UBA7: variants seen among roughly 807,000 people sequenced by gnomAD.
UBA7 encodes ubiquitin-like modifier-activating enzyme 7.
Under a neutral mutation model 113.0 loss-of-function variants are expected in UBA7, and 88 were observed. The ratio of observed to expected loss-of-function variants is 0.78; its 90% CI spans 0.66 to 0.93. The LOEUF (loss-of-function observed/expected upper bound fraction) is 0.93. UBA7 is among the 40% of genes least tolerant of loss of function. The pLI is 0.00. For missense variants in UBA7, 1,092 were observed against 1,266.4 expected (o/e 0.86, Z 2.09); for synonymous variants, 459 against 513.0 (o/e 0.89, Z 1.42).
Position 49,808,023 on chromosome 3 carries a change from G to C in UBA7, c.2520C>G (p.Ala840=). 1 of 1,614,164 alleles carries C rather than the reference G, an allele frequency of 6.2e-7. No homozygotes were observed. The highest frequency in any genetic ancestry group is 8.5e-7 in the Non-Finnish European group (1 of 1,179,998). Reference sequence around the variant, plus strand: ...AAGCCTCAAGGGGTGGGGTTACCTGGGCACGGTTGACCGGTGGAATCCCGT... The same window carrying C: ...AAGCCTCAAGGGGTGGGGTTACCTGCGCACGGTTGACCGGTGGAATCCCGT... ...QNYGIPPVNR[A]QSKRIVGQII... Residue 840 remains alanine (A), a synonymous_variant, in exon 20 of 24, where the codon GCC becomes GCG. Coordinates refer to ENST00000333486, the MANE Select transcript of UBA7 (RefSeq NM_003335.3).
chr3:49,813,695 G>A (rs904283889), intron 1 of UBA7, 37 bp downstream of exon 1: 11 of 1,614,222 alleles, frequency 6.8e-6, no homozygotes, highest in Non-Finnish European at 9.3e-6. Context: ...AAGGTCTGAA[G>A]ACCATCCCAC....
intron 4 of UBA7, 28 bp from the exon 5 acceptor site, chr3:49,812,766 G>T: frequency 6.2e-7 from 1 of 1,612,298 alleles, no homozygotes; most frequent in Non-Finnish European, 8.5e-7. Context: ...GGGTCACTGA[G>T]GTGGCTTACA....
chr3:49,813,435 C>T, intron 2 of UBA7, 44 bp downstream of exon 2: 1 of 1,608,418 alleles, frequency 6.2e-7, no homozygotes. Context: ...TTGGGCCGTG[C>T]CCCCACCTTG....
At chr3:49,808,220 C>A in intron 19 of UBA7, 108 bp from the exon 20 acceptor site, 1 of 1,524,874 alleles carries the variant, frequency 6.6e-7, no homozygotes, top group East Asian at 2.3e-5. Context: ...GGGGGTTGCC[C>A]CACATCTCCT....
In UBA7 at chr3:49,807,664, T is replaced by C. The variant is rs2081474845; in HGVS notation, c.2715+72A>G. On this transcript the variant is annotated intron_variant, in intron 21 of 23. Coordinates refer to ENST00000333486, the MANE Select transcript of UBA7 (RefSeq NM_003335.3). The surrounding 1 kb of genome is among the most constrained non-coding windows in gnomAD (Gnocchi z 4.0). The stretch of plus-strand genomic sequence containing the variant: ...TTTCAGTGAGAGCCGGCAGCTAGAT[T>C]GGGGCCTGTATGGGCAGGTGCAGGG... The C allele has an allele frequency of 2.0e-6, 3 of 1,505,126 alleles. No individual in the cohort carries two copies. The highest frequency in any genetic ancestry group is 2.7e-6 in the Non-Finnish European group (3 of 1,122,724). The allele number at this position is 1,505,126 out of a possible 1,614,324, so 93.2% of individuals were successfully genotyped here. A position where few individuals can be genotyped will look rare whatever the true frequency, so the allele number is the denominator to read the frequency against.
chr3:49,811,302 C>T lies in UBA7; in HGVS notation c.1093G>A (p.Gly365Ser). The T allele has an allele frequency of 6.2e-7, 1 of 1,614,152 alleles. No homozygotes were observed. Among genetic ancestry groups the T allele is most frequent in the Non-Finnish European group, 8.5e-7 (1 of 1,180,016 alleles). The change falls in exon 9 of 24, where the codon GGT becomes AGT. Residue 365 changes from glycine to serine, a missense_variant. Transcript: ENST00000333486. ...GVLSPMVAMLGAVAAQEVLKA... is the reference protein window; with the variant it reads ...GVLSPMVAMLSAVAAQEVLKA... ...AGCACTTCCTGGGCAGCTACTGCAC[C>T]CAGCATGGCCACCATAGGGCTCAAG...
chr3:49,810,960 T>G lies in UBA7; in HGVS notation c.1230+24A>C, dbSNP rs998368545. The stretch of plus-strand genomic sequence containing the variant: ...CCTAGTCCTGATTTTGGACAAGGCT[T>G]GCACCCCTATCCCAGGCTCTCACCA... On this transcript the variant is annotated intron_variant, in intron 10 of 23. Coordinates refer to ENST00000333486, the MANE Select transcript of UBA7 (RefSeq NM_003335.3). This position sits in a 1 kb window ranked among gnomAD's most constrained non-coding sequence, Gnocchi z 5.6. 87 of 1,613,110 alleles carry G rather than the reference T, an allele frequency of 5.4e-5. No homozygotes were observed. The highest frequency in any genetic ancestry group is 7.1e-5 in the Non-Finnish European group (84 of 1,179,210).
chr3:49,806,536 C>T (rs1031346310), intron 21 of UBA7, among the ~76,000 whole-genome samples: 2 of 152,066 alleles, frequency 1.3e-5, no homozygotes, highest in Non-Finnish European at 2.9e-5. Context: ...ACATCCTGTC[C>T]CCCAATCTTG....
Position 49,810,996 on chromosome 3 carries a change from C to A in UBA7, c.1218G>T (p.Glu406Asp). ...PEDGELLPSPEDCALRGSRYD... is the reference protein window; with the variant it reads ...PEDGELLPSPDDCALRGSRYD... ...CCCAGGCTCTCACCAGGGCACAGTC[C>A]TCAGGACTGGGAAGGAGCTCCCCAT... The change falls in exon 10 of 24, where the codon GAG becomes GAT. Residue 406 changes from glutamate to aspartate, a missense_variant. This residue lies in a region of UBA7 where 584 missense variants were observed against 714.5 expected (regional missense o/e 0.82). Coordinates refer to ENST00000333486, the MANE Select transcript of UBA7 (RefSeq NM_003335.3). The surrounding 1 kb of genome is among the most constrained non-coding windows in gnomAD (Gnocchi z 5.6). 6.2e-7 allele frequency: 1 copy of A among 1,614,150 alleles called. No homozygotes were observed. Among genetic ancestry groups the A allele is most frequent in the Non-Finnish European group, 8.5e-7 (1 of 1,180,000 alleles).
rs763046595 is a variant in UBA7, at chr3:49,808,411, G to A, written c.2405C>T (p.Pro802Leu). 4 of 1,614,172 alleles carry A rather than the reference G, an allele frequency of 2.5e-6. No homozygotes were observed. Among genetic ancestry groups the A allele is most frequent in the Non-Finnish European group, 2.5e-6 (3 of 1,180,020 alleles). ...CTTCTCAAACATCAGAGGCTTCAGG[G>A]GAGGGCCCACACTCCAGACTTCCAG... ...KALEVWSVGP[P>L]LKPLMFEKDD... The change falls in exon 19 of 24, where the codon CCC (proline) becomes CTC (leucine). Residue 802 changes from proline (P) to leucine (L), a missense_variant. By Grantham distance (98) the Pro-to-Leu change is moderately conservative (BLOSUM62 -3). Coordinates refer to ENST00000333486, the MANE Select transcript of UBA7 (RefSeq NM_003335.3).
At position 49,808,038 on chromosome 3, in the gene UBA7, T is replaced by C. The variant is rs201100469; in HGVS notation, c.2505A>G (p.Pro835=). Residue 835 remains proline, a synonymous_variant, in exon 20 of 24, where the codon CCA becomes CCG. Coordinates refer to ENST00000333486, the MANE Select transcript of UBA7 (RefSeq NM_003335.3). The part of the protein sequence containing the change: ...ASLRCQNYGI[P]PVNRAQSKRI... Reference sequence around the variant, plus strand: ...GGGTTACCTGGGCACGGTTGACCGGTGGAATCCCGTAGTTCTGACATCTCA... The same window carrying C: ...GGGTTACCTGGGCACGGTTGACCGGCGGAATCCCGTAGTTCTGACATCTCA... The C allele has an allele frequency of 2.5e-6, 4 of 1,614,100 alleles. No homozygotes were observed. In the East Asian group the frequency reaches 6.7e-5, roughly 27 times the overall value.
At position 49,811,998 on chromosome 3, in the gene UBA7, G is replaced by T. The variant is rs1559436911; in HGVS notation, c.811C>A (p.Leu271Met). 6.2e-7 allele frequency: 1 copy of T among 1,614,204 alleles called. No individual in the cohort carries two copies. Among genetic ancestry groups the T allele is most frequent in the Non-Finnish European group, 8.5e-7 (1 of 1,180,034 alleles). Residue 271 changes from leucine to methionine, a missense_variant, in exon 8 of 24, where the codon CTG (leucine) becomes ATG (methionine). Coordinates refer to ENST00000333486, the MANE Select transcript of UBA7 (RefSeq NM_003335.3). ...TVRHKSLDTA[L>M]LQPHVVAQSS... is the part of the protein sequence containing the mutation. ...TGGGCCACCACATGGGGCTGGAGCAGGGCTGTGTCCAGGGACTTCTGCAAG... is the reference window on the plus strand; with the variant it reads ...TGGGCCACCACATGGGGCTGGAGCATGGCTGTGTCCAGGGACTTCTGCAAG...
Position 49,813,260 on chromosome 3 carries a change from ACAG to A in UBA7, c.346_348del (p.Leu117del), listed in dbSNP as rs2081578303. On this transcript the variant is annotated inframe_deletion, in exon 3 of 24. Transcript: ENST00000333486. ...AGGCCTGAGCTGACCTGGAAGTCCA[ACAG>A]CAGGTCCTCAGTGATGTCACCCGTG... The A allele has an allele frequency of 1.2e-6, 2 of 1,613,950 alleles. No homozygotes were observed. The highest frequency in any genetic ancestry group is 1.7e-6 in the Non-Finnish European group (2 of 1,180,004).
chr3:49,809,088 C>T lies in UBA7; in HGVS notation c.2235G>A (p.Gln745=). Residue 745 remains glutamine, a synonymous_variant, in exon 18 of 24, where the codon CAG becomes CAA. Coordinates refer to ENST00000333486, the MANE Select transcript of UBA7 (RefSeq NM_003335.3). ...YAQMHGLPGS[Q]DWTALRELLK... The stretch of plus-strand genomic sequence containing the variant: ...GCAGCTCCCTGAGTGCAGTCCAGTC[C>T]TGTGAGCCAGGCAGCCCATGCATCT... 1 of 1,613,726 alleles carries T rather than the reference C, an allele frequency of 6.2e-7. No individual in the cohort carries two copies. The highest frequency in any genetic ancestry group is 8.5e-7 in the Non-Finnish European group (1 of 1,179,922).
chr3:49,813,599 G>C lies in UBA7; in HGVS notation c.105C>G (p.Val35=). The part of the protein sequence containing the change: ...PAMQRIQGAR[V]LVSGLQGLGA... ...CCAGGCCCTGCAGGCCTGACACCAG[G>C]ACCCTGGCTCCCTGAATCCTCTGCA... Residue 35 remains valine (V), a synonymous_variant, in exon 2 of 24, where the codon GTC becomes GTG. Coordinates refer to ENST00000333486, the MANE Select transcript of UBA7 (RefSeq NM_003335.3). The C allele has an allele frequency of 6.2e-7, 1 of 1,614,190 alleles. No individual in the cohort carries two copies. The highest frequency in any genetic ancestry group is 8.5e-7 in the Non-Finnish European group (1 of 1,180,044).
rs1424450070 is a variant in UBA7, at chr3:49,806,106, C to G, written c.2775G>C (p.Glu925Asp). 1 of 1,599,420 alleles carries G rather than the reference C, an allele frequency of 6.3e-7. No individual in the cohort carries two copies. Among genetic ancestry groups the G allele is most frequent in the South Asian group, 1.1e-5 (1 of 88,186 alleles). The part of the protein sequence containing the change: ...DRLKVPAGQP[E>D]RTLESLLAHL... Reference sequence around the variant, plus strand: ...GAGCCAGCAGCGACTCCAGGGTCCTCTCAGGCTGCCCAGCTGGTACCTTCA... The same window carrying G: ...GAGCCAGCAGCGACTCCAGGGTCCTGTCAGGCTGCCCAGCTGGTACCTTCA... Residue 925 changes from glutamate to aspartate, a missense_variant, in exon 22 of 24, where the codon GAG becomes GAC. By Grantham distance (45) the Glu-to-Asp change is conservative (BLOSUM62 2). Coordinates refer to ENST00000333486, the MANE Select transcript of UBA7 (RefSeq NM_003335.3).
In UBA7 at chr3:49,812,408, C is replaced by A; in HGVS notation, c.694G>T (p.Glu232Ter). 2 of 1,614,122 alleles carry A rather than the reference C, an allele frequency of 1.2e-6. No individual in the cohort carries two copies. Residue 232 changes from glutamate (E) to a stop codon, truncating the protein, a stop_gained and splice_region_variant, in exon 6 of 24, where the codon GAG becomes TAG. Coordinates refer to ENST00000333486, the MANE Select transcript of UBA7 (RefSeq NM_003335.3). LOFTEE classifies it high-confidence loss of function. ...TGGAATTGGAATGGGATTGGCTTAC[C>A]CCGCACGTGGATAGACCGGGGATCA... is the stretch of plus-strand genomic sequence containing the variant. ...DCDPRSIHVREDGSLEIGDTT... is the reference protein window; with the variant it reads ...DCDPRSIHVR
chr3:49,810,342 G>A lies in UBA7; in HGVS notation c.1554C>T (p.Pro518=), dbSNP rs769051121. The A allele has an allele frequency of 3.1e-6, 5 of 1,614,198 alleles. No individual in the cohort carries two copies. The Admixed American group carries it at 8.3e-5, about 27-fold the overall frequency. Residue 518 remains proline, a synonymous_variant, in exon 13 of 24, where the codon CCC becomes CCT. Transcript: ENST00000333486. The surrounding 1 kb of genome is among the most constrained non-coding windows in gnomAD (Gnocchi z 5.6). ...TATCCCCATAGATGTGCTCTGTGGTGGGATCCAGTGGGTAGGTGAGCGGGA... is the reference window on the plus strand; with the variant it reads ...TATCCCCATAGATGTGCTCTGTGGTAGGATCCAGTGGGTAGGTGAGCGGGA... ...QVIPLTYPLD[P]TTEHIYGDNF...
intron 2 of UBA7, 41 bp downstream of exon 2, chr3:49,813,438 C>T (rs781291626): frequency 1.2e-6 from 2 of 1,608,896 alleles, no homozygotes; most frequent in South Asian, 2.2e-5. Flanking sequence ...GGCCGTGCCC[C>T]CACCTTGGTC....
Sources: allele counts gnomAD v4.1 joint callset (sites outside exome capture counted in the v4.1 genomes callset), GRCh38; gene constraint gnomAD v4.1.1; regional missense constraint gnomAD v4.1.1; non-coding constraint Gnocchi (gnomAD v3.1); transcripts MANE v1.5; gene names NCBI Gene and HGNC (gene_info 2026-07-23, HGNC 2026-07-21).